The following FAM120A variants were observed in gnomAD, a reference collection of about 807,000 sequenced individuals.
FAM120A encodes family with sequence similarity 120 member A.
Under a neutral mutation model 109.7 loss-of-function variants are expected in FAM120A, and 15 were observed. That is an observed-to-expected ratio of 0.14 (90% CI 0.09 to 0.21). The LOEUF (loss-of-function observed/expected upper bound fraction) is 0.21, where lower values mean the gene tolerates loss of function less well. Ranked by LOEUF, FAM120A falls within the 10% of genes least tolerant of loss-of-function variation. The probability of loss-of-function intolerance (pLI) is 1.00; values close to 1 mark genes in which losing one functional copy is unlikely to be tolerated. For missense variants in FAM120A, 899 were observed against 1,439.3 expected (o/e 0.62, Z 6.07); for synonymous variants, 493 against 572.8 (o/e 0.86, Z 1.99).
intron 5 of FAM120A, among the ~76,000 whole-genome samples, chr9:93,508,176 A>G (rs1270172768): frequency 6.6e-6 from 1 of 152,152 alleles, no homozygotes; most frequent in Non-Finnish European, 1.5e-5. Context: ...CTGAGGGCAT[A>G]TGTGTAGAGC....
At chr9:93,520,975 G>A (rs1860821523) in intron 7 of FAM120A, among the ~76,000 whole-genome samples, 1 of 152,180 alleles carries the variant, frequency 6.6e-6, no homozygotes, top group African/African-American at 2.4e-5. Context: ...TGGATGAGTT[G>A]TTCAGTGTCT....
intron 7 of FAM120A, among the ~76,000 whole-genome samples, chr9:93,518,980 C>G (rs980375768): frequency 6.6e-6 from 1 of 151,918 alleles, no homozygotes; most frequent in African/African-American, 2.4e-5. Context: ...TATATGGGGC[C>G]CAAGACAATT....
chr9:93,527,209 T>C lies in FAM120A; in HGVS notation c.1473T>C (p.Pro491=). The C allele has an allele frequency of 6.2e-7, 1 of 1,614,148 alleles. No homozygotes were observed. Among genetic ancestry groups the C allele is most frequent in the Non-Finnish European group, 8.5e-7 (1 of 1,179,988 alleles). ...GWEKTGSHSE[P]QARGDPGDQT... is the part of the protein sequence containing the mutation. ...AGAAGACGGGAAGCCACTCAGAGCC[T>C]CAGGCACGAGGAGACCCAGGAGACC... Residue 491 remains proline, a synonymous_variant, in exon 8 of 18, where the codon CCT becomes CCC. Coordinates refer to ENST00000277165, the MANE Select transcript of FAM120A (RefSeq NM_014612.5).
At chr9:93,469,253 G>A (rs1004939923) in intron 1 of FAM120A, among the ~76,000 whole-genome samples, 1 of 152,234 alleles carries the variant, frequency 6.6e-6, no homozygotes, top group Admixed American at 6.5e-5. Context: ...GCTGATGGAG[G>A]TGGGCAGGGC....
intron 5 of FAM120A, among the ~76,000 whole-genome samples, chr9:93,501,095 T>A (rs1859780919): frequency 6.6e-6 from 1 of 152,192 alleles, no homozygotes; most frequent in Non-Finnish European, 1.5e-5. Context: ...GAATGAGCAG[T>A]GAGGAGCCTG....
intron 2 of FAM120A, among the ~76,000 whole-genome samples, chr9:93,474,050 C>G (rs1035782656): frequency 2.0e-5 from 3 of 150,302 alleles, no homozygotes; most frequent in African/African-American, 7.4e-5. Flanking sequence ...TGATACTTTT[C>G]TAGCTTGTTA....
intron 5 of FAM120A, among the ~76,000 whole-genome samples, chr9:93,503,078 G>A (rs1859876401): frequency 6.6e-6 from 1 of 152,208 alleles, no homozygotes; most frequent in African/African-American, 2.4e-5. Flanking sequence ...TTACACATTT[G>A]TTAGAATGAT....
At chr9:93,513,640 T>C (rs998052105) in intron 5 of FAM120A, among the ~76,000 whole-genome samples, 1 of 152,194 alleles carries the variant, frequency 6.6e-6, no homozygotes, top group Non-Finnish European at 1.5e-5. Context: ...CTATGGTGTT[T>C]AAAGCTTGCG....
chr9:93,527,415 A>T (rs1194815224), intron 8 of FAM120A, among the ~76,000 whole-genome samples, 173 bp downstream of exon 8: 1 of 152,102 alleles, frequency 6.6e-6, no homozygotes, highest in African/African-American at 2.4e-5. Flanking sequence ...CAAGCCGGCT[A>T]GTCTTTCTGC....
intron 3 of FAM120A, among the ~76,000 whole-genome samples, chr9:93,483,260 T>C (rs1858900114): frequency 6.6e-6 from 1 of 152,194 alleles, no homozygotes; most frequent in African/African-American, 2.4e-5. Context: ...AGTCGTTATA[T>C]TATAATAGTT....
At position 93,558,644 on chromosome 9, in the gene FAM120A, G is replaced by A. The variant is rs373795166; in HGVS notation, c.2732G>A (p.Arg911His). The A allele has an allele frequency of 6.2e-6, 10 of 1,614,052 alleles. No homozygotes were observed. Among genetic ancestry groups the A allele is most frequent in the Non-Finnish European group, 5.9e-6 (7 of 1,180,038 alleles). The change falls in exon 15 of 18, where the codon CGT (arginine) becomes CAT (histidine). Residue 911 changes from arginine to histidine, a missense_variant. Transcript: ENST00000277165. ...GCAACAGGCCCTTACCGTGCCTTCCGTGTGGCGGCAGCATCGGGACACTGC... is the reference window on the plus strand; with the variant it reads ...GCAACAGGCCCTTACCGTGCCTTCCATGTGGCGGCAGCATCGGGACACTGC... ...TVATGPYRAF[R>H]VAAASGHCGA...
intron 5 of FAM120A, among the ~76,000 whole-genome samples, chr9:93,512,985 G>A (rs1860401274): frequency 6.6e-6 from 1 of 152,158 alleles, no homozygotes; most frequent in East Asian, 1.9e-4. Context: ...GAAGGTTTTA[G>A]GATGAAATGG....
rs139411238 is a variant in FAM120A, at chr9:93,529,497, G to A, written c.1651G>A (p.Val551Ile). Residue 551 changes from valine to isoleucine, a missense_variant, in exon 9 of 18, where the codon GTC (valine) becomes ATC (isoleucine). Around this residue, in one of 11 missense-constraint regions of FAM120A, gnomAD observed 133 missense variants for 276.6 expected, o/e 0.48. Coordinates refer to ENST00000277165, the MANE Select transcript of FAM120A (RefSeq NM_014612.5). ...CATCACCACACCTCCCCTGCCCCCC[G>A]TCGCACCTGAGGTGCTGAGAGTGGC... ...MDITTPPLPP[V>I]APEVLRVAEH... 2.2e-5 allele frequency: 35 copies of A among 1,614,062 alleles called. No homozygotes were observed. Among genetic ancestry groups the A allele is most frequent in the African/African-American group, 5.3e-5 (4 of 74,926 alleles).
intron 7 of FAM120A, among the ~76,000 whole-genome samples, chr9:93,516,581 C>T (rs911672723): frequency 4.6e-5 from 7 of 152,178 alleles, no homozygotes; most frequent in African/African-American, 1.4e-4. Context: ...GGCATTTGTC[C>T]GGTGTGGTGC....
intron 12 of FAM120A, among the ~76,000 whole-genome samples, chr9:93,555,525 A>G (rs916412679): frequency 6.6e-6 from 1 of 152,232 alleles, no homozygotes; most frequent in Non-Finnish European, 1.5e-5. Context: ...AAAAGCCACC[A>G]AAGTCGGAAG....
intron 11 of FAM120A, among the ~76,000 whole-genome samples, chr9:93,545,910 C>T (rs938681270): frequency 5.3e-5 from 8 of 150,282 alleles, no homozygotes; most frequent in African/African-American, 2.0e-4. Flanking sequence ...CTCAGCCTCC[C>T]AAGTAGCTGG....
intron 1 of FAM120A, among the ~76,000 whole-genome samples, chr9:93,456,041 A>G (rs1376552854): frequency 6.6e-6 from 1 of 152,182 alleles, no homozygotes; most frequent in African/African-American, 2.4e-5. Flanking sequence ...TAGTAATTGT[A>G]TTTCTTTAAC....
At chr9:93,558,467 A>T in intron 14 of FAM120A, 114 bp from the exon 15 acceptor site, 1 of 1,306,274 alleles carries the variant, frequency 7.7e-7, no homozygotes, top group East Asian at 2.3e-5. Context: ...AGGGGCCAGG[A>T]GACCCCTCCA....
chr9:93,556,027 C>T lies in FAM120A; in HGVS notation c.2275-355C>T, dbSNP rs372093555. Among the ~76,000 whole-genome samples the T allele has an allele frequency of 5.9e-5, 9 of 152,164 alleles. No homozygotes were observed. In the East Asian group the frequency reaches 9.7e-4, roughly 16 times the overall value. ...ATCTGAAATGTGAAGTGTTATTTTACGAAGAGATTGTGGAGCCCTGGGCTC... is the reference window on the plus strand; with the variant it reads ...ATCTGAAATGTGAAGTGTTATTTTATGAAGAGATTGTGGAGCCCTGGGCTC... On this transcript the variant is annotated intron_variant, in intron 12 of 17. Coordinates refer to ENST00000277165, the MANE Select transcript of FAM120A (RefSeq NM_014612.5).
Sources: allele counts gnomAD v4.1 joint callset (sites outside exome capture counted in the v4.1 genomes callset), GRCh38; gene constraint gnomAD v4.1.1; regional missense constraint gnomAD v4.1.1; transcripts MANE v1.5; gene names NCBI Gene and HGNC (gene_info 2026-07-23, HGNC 2026-07-21).